The following PIEZO2 variants were observed in gnomAD, a reference collection of about 807,000 sequenced individuals.
The protein encoded by PIEZO2 is piezo type mechanosensitive ion channel component 2.
A neutral mutation model predicts 337.3 loss-of-function variants in PIEZO2; 172 were observed. The ratio of observed to expected loss-of-function variants is 0.51; its 90% CI spans 0.45 to 0.58. The LOEUF (loss-of-function observed/expected upper bound fraction) is 0.58, where lower values mean the gene tolerates loss of function less well. PIEZO2 is among the 20% of genes least tolerant of loss of function. The pLI is 0.00. For missense variants in PIEZO2, 3,028 were observed against 3,391.3 expected (o/e 0.89, Z 2.66); for synonymous variants, 1,251 against 1,228.5 (o/e 1.02, Z -0.38).
rs1195532818 is a variant in PIEZO2 at position 10,767,416 on chromosome 18, G to A, written c.2946+2732C>T. Among the ~76,000 whole-genome samples the A allele has an allele frequency of 6.6e-6, 1 of 152,132 alleles. No individual in the cohort carries two copies. Among genetic ancestry groups the A allele is most frequent in the African/African-American group, 2.4e-5 (1 of 41,428 alleles). Reference sequence around the variant, plus strand: ...CTTGGGTAAGGATGTCTGGAACCCAGAGCTGCCACAGCTCCTGAAGAGCTT... The same window carrying A: ...CTTGGGTAAGGATGTCTGGAACCCAAAGCTGCCACAGCTCCTGAAGAGCTT... On this transcript the variant is annotated intron_variant, in intron 21 of 55. Coordinates refer to ENST00000674853, the MANE Select transcript of PIEZO2 (RefSeq NM_001378183.1). This position sits in a 1 kb window ranked among gnomAD's most constrained non-coding sequence, Gnocchi z 4.2.
chr18:11,051,119 C>G (rs1002839287), intron 2 of PIEZO2, among the ~76,000 whole-genome samples: 1 of 152,112 alleles, frequency 6.6e-6, no homozygotes, highest in African/African-American at 2.4e-5. Context: ...GGAGAGCTAG[C>G]CATCACAACC....
intron 35 of PIEZO2, among the ~76,000 whole-genome samples, chr18:10,732,823 T>C (rs1194814332): frequency 6.6e-6 from 1 of 152,176 alleles, no homozygotes; most frequent in Admixed American, 6.5e-5. Context: ...TTATAGTACA[T>C]TAATAAGCAA....
At chr18:10,907,858 T>C (rs972444907) in intron 4 of PIEZO2, among the ~76,000 whole-genome samples, 1 of 152,244 alleles carries the variant, frequency 6.6e-6, no homozygotes, top group African/African-American at 2.4e-5. Flanking sequence ...TCTTTTTATC[T>C]ATAATAAAAA....
At chr18:11,117,368 T>C (rs995671894) in intron 1 of PIEZO2, among the ~76,000 whole-genome samples, 1 of 152,240 alleles carries the variant, frequency 6.6e-6, no homozygotes, top group African/African-American at 2.4e-5. Flanking sequence ...GCACCAGGGA[T>C]GTACCCAACT....
At chr18:10,937,543 T>C (rs2032471618) in intron 3 of PIEZO2, among the ~76,000 whole-genome samples, 2 of 152,192 alleles carry the variant, frequency 1.3e-5, no homozygotes, top group Non-Finnish European at 2.9e-5. Context: ...GCTAGTTCAT[T>C]ATGTCTTTGT....
At chr18:11,061,035 G>A (rs570890680) in intron 2 of PIEZO2, among the ~76,000 whole-genome samples, 4 of 152,244 alleles carry the variant, frequency 2.6e-5, no homozygotes, top group Admixed American at 1.3e-4. Context: ...GAATCCAGCA[G>A]CACATAAAAA....
chr18:10,887,090 G>C (rs1455589299), intron 4 of PIEZO2, among the ~76,000 whole-genome samples: 1 of 81,250 alleles, frequency 1.2e-5, no homozygotes, highest in Non-Finnish European at 2.3e-5. Flanking sequence ...TTTTTTTTGA[G>C]ACAGAGTCTC....
chr18:10,798,841 CTG>C (rs2039702254), intron 11 of PIEZO2, among the ~76,000 whole-genome samples: 1 of 152,184 alleles, frequency 6.6e-6, no homozygotes, highest in Non-Finnish European at 1.5e-5. Context: ...CTGGAAAGCA[CTG>C]TGTTTCCTTG....
intron 5 of PIEZO2, among the ~76,000 whole-genome samples, chr18:10,866,633 G>C (rs1259358886): frequency 6.6e-6 from 1 of 152,190 alleles, no homozygotes; most frequent in Non-Finnish European, 1.5e-5. Flanking sequence ...CCAAGGGCCT[G>C]TTCCACAGGT....
chr18:10,970,972 C>T (rs1411458810), intron 3 of PIEZO2, among the ~76,000 whole-genome samples: 1 of 152,150 alleles, frequency 6.6e-6, no homozygotes, highest in East Asian at 1.9e-4. Flanking sequence ...CATTAATCCA[C>T]AATACGGCAA....
chr18:10,800,483 G>T lies in PIEZO2; in HGVS notation c.1240-8C>A. 6.6e-7 allele frequency: 1 copy of T among 1,523,146 alleles called. No individual in the cohort carries two copies. Among genetic ancestry groups the T allele is most frequent in the East Asian group, 2.5e-5 (1 of 40,140 alleles). 94.4% of individuals were successfully genotyped at this position (1,523,146 alleles called of 1,614,324 possible). On this transcript the variant is annotated splice_polypyrimidine_tract_variant and splice_region_variant and intron_variant, in intron 10 of 55. Coordinates refer to ENST00000674853, the MANE Select transcript of PIEZO2 (RefSeq NM_001378183.1). ...CACAGTCACCAGCAGGCCCTGCCGG[G>T]AGTGCAGAGAAAGGGACAACTGTTA...
chr18:10,984,270 C>T (rs1318134458), intron 2 of PIEZO2, among the ~76,000 whole-genome samples: 1 of 152,030 alleles, frequency 6.6e-6, no homozygotes, highest in Non-Finnish European at 1.5e-5. Flanking sequence ...TACAAATTAG[C>T]TGACAAAGAA....
chr18:10,935,501 C>T (rs1441922085), intron 3 of PIEZO2, among the ~76,000 whole-genome samples: 1 of 152,192 alleles, frequency 6.6e-6, no homozygotes, highest in Non-Finnish European at 1.5e-5. Context: ...TGAGAAAAGA[C>T]TCTGTTCCTG....
intron 49 of PIEZO2, among the ~76,000 whole-genome samples, chr18:10,686,283 C>T (rs1567947462): frequency 1.3e-5 from 2 of 152,186 alleles, no homozygotes; most frequent in African/African-American, 2.4e-5. Context: ...TCAGTATTCA[C>T]GTATCCCAAA....
intron 7 of PIEZO2, among the ~76,000 whole-genome samples, chr18:10,817,474 A>G (rs1458006402): frequency 6.6e-6 from 1 of 152,198 alleles, no homozygotes; most frequent in African/African-American, 2.4e-5. Flanking sequence ...GAGTGTAAAA[A>G]ATTTATAAGG....
At chr18:10,801,296 T>C (rs2039805651) in intron 10 of PIEZO2, 94 bp downstream of exon 10, 1 of 1,119,716 alleles carries the variant, frequency 8.9e-7, no homozygotes, top group Non-Finnish European at 1.2e-6. Context: ...GAAATTTTAA[T>C]AGATCATTAA....
chr18:10,727,274 A>G lies in PIEZO2; in HGVS notation c.5029+4133T>C, dbSNP rs1209262114. On this transcript the variant is annotated intron_variant, in intron 36 of 55. Transcript: ENST00000674853. This position sits in a 1 kb window ranked among gnomAD's most constrained non-coding sequence, Gnocchi z 6.3. ...TTTGGGAATAGAAACTTGTTCTTGC[A>G]TAAGATGGCTTTGGTTGTCCCGGTA... The G allele has an allele frequency of 5.4e-6, 1 of 184,354 alleles. No individual in the cohort carries two copies. The highest frequency in any genetic ancestry group is 1.1e-5 in the Non-Finnish European group (1 of 89,784). 11.4% of individuals were successfully genotyped at this position (184,354 alleles called of 1,614,324 possible).
rs573833436 is a variant in PIEZO2 at position 10,686,405 on chromosome 18, C to A, written c.7497+3250G>T. Among the ~76,000 whole-genome samples the A allele has an allele frequency of 1.6e-4, 24 of 152,258 alleles. No individual in the cohort carries two copies. The South Asian group carries it at 4.6e-3, about 29-fold the overall frequency. ...GATAGAAGGTAAACCAGGAAAGAAC[C>A]AGTAGCTTAAGCTCCAGAGAGTCAG... On this transcript the variant is annotated intron_variant, in intron 49 of 55. Transcript: ENST00000674853.
intron 4 of PIEZO2, among the ~76,000 whole-genome samples, chr18:10,876,475 T>C (rs1314518437): frequency 1.3e-5 from 2 of 152,198 alleles, no homozygotes; most frequent in African/African-American, 2.4e-5. Flanking sequence ...TTGGAAACTA[T>C]ACTAATGTAC....
Sources: allele counts gnomAD v4.1 joint callset (sites outside exome capture counted in the v4.1 genomes callset), GRCh38; gene constraint gnomAD v4.1.1; non-coding constraint Gnocchi (gnomAD v3.1); transcripts MANE v1.5; gene names NCBI Gene and HGNC (gene_info 2026-07-23, HGNC 2026-07-21).